Variants in FGF12 observed in about 807,000 individuals in gnomAD.
FGF12 encodes fibroblast growth factor 12.
FGF12 carries 14 observed loss-of-function variants against 23.6 expected under a neutral mutation model. That is an observed-to-expected ratio of 0.59 (90% CI 0.39 to 0.93). FGF12 has a LOEUF of 0.93. FGF12 is among the 40% of genes least tolerant of loss of function. The pLI, the probability that FGF12 is intolerant of heterozygous loss-of-function variation, is 0.00. For missense variants in FGF12, 175 were observed against 217.8 expected (o/e 0.80, Z 1.24); for synonymous variants, 62 against 77.3 (o/e 0.80, Z 1.04).
At chr3:192,376,313 G>A (rs1471763879) in intron 2 of FGF12, among the ~76,000 whole-genome samples, 1 of 150,000 alleles carries the variant, frequency 6.7e-6, no homozygotes, top group Non-Finnish European at 1.5e-5. Flanking sequence ...TCTTACTATT[G>A]TCATTGCTAT....
At position 192,514,192 on chromosome 3, in the gene FGF12, A is replaced by C. The variant is rs1724582294; in HGVS notation, c.14-153654T>G. ...CTCCAGGGGAAACGTACCCCTAACC[A>C]CCGCCAGATGTCTACTTTTCAGACA... is the stretch of plus-strand genomic sequence containing the variant. On this transcript the variant is annotated intron_variant, in intron 2 of 5. Coordinates refer to ENST00000445105, the MANE Select transcript of FGF12 (RefSeq NM_004113.6). The surrounding 1 kb of genome is among the most constrained non-coding windows in gnomAD (Gnocchi z 4.9). 6.6e-6 allele frequency among the ~76,000 whole-genome samples: 1 copy of C among 152,158 alleles called. No homozygotes were observed. Among genetic ancestry groups the C allele is most frequent in the African/African-American group, 2.4e-5 (1 of 41,436 alleles).
At chr3:192,590,224 A>AT (rs1347866660) in intron 2 of FGF12, among the ~76,000 whole-genome samples, 1 of 151,976 alleles carries the variant, frequency 6.6e-6, no homozygotes, top group Non-Finnish European at 1.5e-5. Flanking sequence ...TAGAACCAGT[A>AT]TATGTATGGA....
intron 2 of FGF12, among the ~76,000 whole-genome samples, chr3:192,686,168 G>A (rs551941550): frequency 9.9e-5 from 15 of 152,236 alleles, no homozygotes; most frequent in Non-Finnish European, 1.3e-4. Flanking sequence ...AAATATCAGC[G>A]TCTTAGAAGT....
intron 2 of FGF12, among the ~76,000 whole-genome samples, chr3:192,721,896 A>G (rs1237767216): frequency 1.3e-5 from 2 of 152,196 alleles, no homozygotes; most frequent in East Asian, 1.9e-4. Context: ...GAGCTCATTA[A>G]TCACTGTAAG....
At chr3:192,407,989 C>A (rs371044548) in intron 2 of FGF12, 1 of 1,547,572 alleles carries the variant, frequency 6.5e-7, no homozygotes, top group Non-Finnish European at 8.7e-7. Flanking sequence ...AGAGGGCGTC[C>A]CCTCTGGGGA....
chr3:192,554,651 G>A (rs1050864896), intron 2 of FGF12, among the ~76,000 whole-genome samples: 1 of 151,742 alleles, frequency 6.6e-6, no homozygotes, highest in East Asian at 1.9e-4. Flanking sequence ...AAAGTTATAA[G>A]GCACATAATA....
intron 4 of FGF12, among the ~76,000 whole-genome samples, chr3:192,185,287 C>T (rs1716391487): frequency 6.6e-6 from 1 of 152,182 alleles, no homozygotes; most frequent in African/African-American, 2.4e-5. Flanking sequence ...TGTCTTATTT[C>T]TCACTGAAAT....
chr3:192,382,223 C>T (rs1006458572), intron 2 of FGF12, among the ~76,000 whole-genome samples: 1 of 152,012 alleles, frequency 6.6e-6, no homozygotes, highest in Non-Finnish European at 1.5e-5. Flanking sequence ...GTCTCGATCT[C>T]GACCACGTGA....
chr3:192,389,434 G>A (rs1720199115), intron 2 of FGF12, among the ~76,000 whole-genome samples: 1 of 152,154 alleles, frequency 6.6e-6, no homozygotes, highest in African/African-American at 2.4e-5. Flanking sequence ...CTTCCTCAAG[G>A]GGAAAGTTGG....
intron 4 of FGF12, among the ~76,000 whole-genome samples, chr3:192,318,712 A>T (rs1187691777): frequency 6.6e-6 from 1 of 152,112 alleles, no homozygotes; most frequent in African/African-American, 2.4e-5. Context: ...CTAGAGAAAG[A>T]TGTCAATATT....
chr3:192,343,225 TG>T (rs11302516), intron 3 of FGF12, among the ~76,000 whole-genome samples: 5,492 of 152,258 alleles, frequency 0.036, 336 homozygotes, highest in African/African-American at 0.12. Flanking sequence ...TAAAAACCCA[TG>T]TGGAACATAC....
chr3:192,437,546 G>C (rs1041588593), intron 2 of FGF12, among the ~76,000 whole-genome samples: 18 of 152,068 alleles, frequency 1.2e-4, no homozygotes, highest in African/African-American at 4.3e-4. Flanking sequence ...CAAACCATTA[G>C]CCGGGTGTGG....
At chr3:192,622,527 G>A (rs1715011623) in intron 2 of FGF12, among the ~76,000 whole-genome samples, 2 of 152,058 alleles carry the variant, frequency 1.3e-5, no homozygotes, top group Admixed American at 1.3e-4. Context: ...TTCAAGGCAG[G>A]TCCCCACATA....
chr3:192,714,648 A>G (rs904167635), intron 2 of FGF12, among the ~76,000 whole-genome samples: 1 of 149,460 alleles, frequency 6.7e-6, no homozygotes, highest in South Asian at 2.1e-4. Flanking sequence ...CCTCCCGAGT[A>G]GCTGGGACTA....
chr3:192,287,607 G>A (rs1216494626), intron 4 of FGF12, among the ~76,000 whole-genome samples: 1 of 151,948 alleles, frequency 6.6e-6, no homozygotes, highest in Non-Finnish European at 1.5e-5. Flanking sequence ...AGTAGACTGG[G>A]GTCCTTCAGT....
chr3:192,435,548 C>T (rs2108792994), intron 2 of FGF12, among the ~76,000 whole-genome samples: 1 of 152,196 alleles, frequency 6.6e-6, no homozygotes, highest in South Asian at 2.1e-4. Context: ...GTACTGGAAA[C>T]CCAATTTCTG....
At chr3:192,379,066 G>C (rs977407240) in intron 2 of FGF12, among the ~76,000 whole-genome samples, 1 of 152,054 alleles carries the variant, frequency 6.6e-6, no homozygotes, top group South Asian at 2.1e-4. Flanking sequence ...CTCTATCAAT[G>C]TTCCTGCTAA....
At chr3:192,621,936 C>A (rs1714991824) in intron 2 of FGF12, among the ~76,000 whole-genome samples, 1 of 152,018 alleles carries the variant, frequency 6.6e-6, no homozygotes, top group Admixed American at 6.6e-5. Flanking sequence ...TCAAATAATG[C>A]CAGATGTATA....
intron 2 of FGF12, among the ~76,000 whole-genome samples, chr3:192,600,367 T>C (rs1251060215): frequency 6.6e-6 from 1 of 152,108 alleles, no homozygotes; most frequent in African/African-American, 2.4e-5. Context: ...TCGTTTTGGC[T>C]ATTTGGGGTC....
Sources: allele counts gnomAD v4.1 joint callset (sites outside exome capture counted in the v4.1 genomes callset), GRCh38; gene constraint gnomAD v4.1.1; non-coding constraint Gnocchi (gnomAD v3.1); transcripts MANE v1.5; gene names NCBI Gene and HGNC (gene_info 2026-07-23, HGNC 2026-07-21).